Variants in CLPB observed in about 807,000 individuals in gnomAD.
CLPB encodes mitochondrial disaggregase.
Under a neutral mutation model 78.4 loss-of-function variants are expected in CLPB, and 40 were observed. The observed-to-expected ratio is 0.51, with a 90% CI of 0.40 to 0.66. The LOEUF is 0.66. CLPB is among the 30% of genes least tolerant of loss of function. The pLI is 0.00. For missense variants in CLPB, 780 were observed against 886.9 expected (o/e 0.88, Z 1.53); for synonymous variants, 333 against 348.0 (o/e 0.96, Z 0.48).
intron 2 of CLPB, among the ~76,000 whole-genome samples, chr11:72,412,328 C>T (rs991549637): frequency 1.3e-5 from 2 of 152,218 alleles, no homozygotes; most frequent in African/African-American, 4.8e-5. Flanking sequence ...GCCTGGAGAA[C>T]TCCAAGGGAG....
chr11:72,317,056 T>C, intron 7 of CLPB, 50 bp downstream of exon 7: 1 of 1,323,908 alleles, frequency 7.6e-7, no homozygotes, highest in East Asian at 2.4e-5. Flanking sequence ...CGACAGGATG[T>C]ACCCCTCAAA....
At chr11:72,393,377 A>T (rs1855311172) in intron 3 of CLPB, among the ~76,000 whole-genome samples, 1 of 152,230 alleles carries the variant, frequency 6.6e-6, no homozygotes, top group Admixed American at 6.5e-5. Flanking sequence ...AGAAAAAACA[A>T]TATTAATAAC....
At chr11:72,302,632 TCAC>T (rs1373395153) in intron 9 of CLPB, 3 of 392,516 alleles carry the variant, frequency 7.6e-6, no homozygotes, top group East Asian at 5.2e-5. Context: ...CCTGTTCTGA[TCAC>T]CACATCATCC....
chr11:72,346,534 G>A (rs991315010), intron 5 of CLPB, among the ~76,000 whole-genome samples: 3 of 151,396 alleles, frequency 2.0e-5, no homozygotes, highest in Non-Finnish European at 4.4e-5. Context: ...AGGTAGATAC[G>A]AGATGAGCCT....
chr11:72,345,099 A>C lies in CLPB; in HGVS notation c.775+13781T>G, dbSNP rs768191548. 2.7e-4 allele frequency among the ~76,000 whole-genome samples: 41 copies of C among 152,306 alleles called. 1 individual carries two copies. In the Middle Eastern group the frequency reaches 0.031, roughly 114 times the overall value. On this transcript the variant is annotated intron_variant, in intron 5 of 15. Coordinates refer to ENST00000538039, the MANE Select transcript of CLPB (RefSeq NM_001258392.3). ...GCTAATGGAAGTGTAACATGGTACA[A>C]CTCGTACGGAGGAGAAGCTTGGTAA...
chr11:72,340,041 G>C (rs1950391012), intron 5 of CLPB, among the ~76,000 whole-genome samples: 1 of 152,186 alleles, frequency 6.6e-6, no homozygotes, highest in Non-Finnish European at 1.5e-5. Context: ...TGTCTTACAA[G>C]TGGCTGTGGT....
intron 8 of CLPB, 123 bp downstream of exon 8, chr11:72,308,404 T>C: frequency 1.3e-6 from 1 of 766,816 alleles, no homozygotes; most frequent in South Asian, 1.5e-5. Flanking sequence ...CCGTTGCTTT[T>C]AGAGCTCAAG....
At chr11:72,342,614 A>G (rs866947485) in intron 5 of CLPB, among the ~76,000 whole-genome samples, 7 of 152,158 alleles carry the variant, frequency 4.6e-5, no homozygotes, top group Non-Finnish European at 8.8e-5. Flanking sequence ...AGCTAGGAGC[A>G]ACTGTCAGTG....
At chr11:72,427,070 G>C (rs1307380234) in intron 2 of CLPB, among the ~76,000 whole-genome samples, 1 of 152,254 alleles carries the variant, frequency 6.6e-6, no homozygotes, top group African/African-American at 2.4e-5. Context: ...TTTGAAAGGT[G>C]TAAGCAGAGG....
intron 2 of CLPB, among the ~76,000 whole-genome samples, chr11:72,416,138 A>G (rs1252333383): frequency 6.6e-6 from 1 of 152,188 alleles, no homozygotes; most frequent in East Asian, 1.9e-4. Flanking sequence ...CTTTCACACT[A>G]TTGCTTCAGA....
At chr11:72,374,075 C>T (rs985673661) in intron 4 of CLPB, among the ~76,000 whole-genome samples, 4 of 151,814 alleles carry the variant, frequency 2.6e-5, no homozygotes, top group African/African-American at 4.9e-5. Flanking sequence ...AATCCAATGA[C>T]CCATGGCGAG....
chr11:72,309,249 G>A (rs954825520), intron 7 of CLPB, among the ~76,000 whole-genome samples: 2 of 152,134 alleles, frequency 1.3e-5, no homozygotes, highest in African/African-American at 2.4e-5. Context: ...GGGGAGCACG[G>A]GGAGTGGGAC....
Position 72,317,028 on chromosome 11 carries a change from G to C in CLPB, c.988+78C>G, listed in dbSNP as rs181328714. The C allele has an allele frequency of 1.1e-4, 94 of 877,848 alleles. No individual in the cohort carries two copies. In the African/African-American group the frequency reaches 1.4e-3, roughly 13 times the overall value. 54.4% of individuals were successfully genotyped at this position (877,848 alleles called of 1,614,324 possible). A position where few individuals can be genotyped will look rare whatever the true frequency, so the allele number is the denominator to read the frequency against. ...GCTAATTTTTAATATTATTAACAGCGCCTATCCAGTTTGGTGACGACAGGA... is the reference window on the plus strand; with the variant it reads ...GCTAATTTTTAATATTATTAACAGCCCCTATCCAGTTTGGTGACGACAGGA... On this transcript the variant is annotated intron_variant, in intron 7 of 15. Transcript: ENST00000538039.
rs1178104694 is a variant in CLPB, at chr11:72,317,286, C to T, written c.874-66G>A. ...CATAGCACCATAGCTTCACTCTATC[C>T]CCCAACTCGGGGAAAACACAGGTCT... On this transcript the variant is annotated intron_variant, in intron 6 of 15. Coordinates refer to ENST00000538039, the MANE Select transcript of CLPB (RefSeq NM_001258392.3). 8 of 1,228,920 alleles carry T rather than the reference C, an allele frequency of 6.5e-6. No homozygotes were observed. The East Asian group carries it at 1.8e-4, about 27-fold the overall frequency. 76.1% of individuals were successfully genotyped at this position (1,228,920 alleles called of 1,614,324 possible). A position where few individuals can be genotyped will look rare whatever the true frequency, so the allele number is the denominator to read the frequency against.
intron 5 of CLPB, among the ~76,000 whole-genome samples, chr11:72,342,436 AGT>A (rs759956752): frequency 1.8e-4 from 27 of 152,314 alleles, no homozygotes; most frequent in Non-Finnish European, 2.8e-4. Flanking sequence ...CAGGCAAAGA[AGT>A]GAGGATCCTT....
intron 1 of CLPB, among the ~76,000 whole-genome samples, chr11:72,432,974 C>G (rs761685159): frequency 1.3e-5 from 2 of 152,160 alleles, no homozygotes; most frequent in Non-Finnish European, 2.9e-5. Context: ...AATGGCTGGA[C>G]TCACATAGGT....
Position 72,426,454 on chromosome 11 carries a change from TAGG to T in CLPB, c.455+3855_455+3857del, listed in dbSNP as rs556738293. Among the ~76,000 whole-genome samples the T allele has an allele frequency of 1.5e-4, 22 of 151,418 alleles. No individual in the cohort carries two copies. The South Asian group carries it at 3.5e-3, about 24-fold the overall frequency. On this transcript the variant is annotated intron_variant, in intron 2 of 15. Transcript: ENST00000538039. ...ACCACCTGCTCACACTGCTGACAGG[TAGG>T]AGGCCAGGCTTCCACTTCTGAGGAA...
chr11:72,317,283 A>G (rs537043142), intron 6 of CLPB, 63 bp from the exon 7 acceptor site: 1 of 1,247,678 alleles, frequency 8.0e-7, no homozygotes, highest in South Asian at 1.4e-5. Context: ...GCTTCACTCT[A>G]TCCCCCAACT....
At chr11:72,418,239 G>T (rs1856081036) in intron 2 of CLPB, among the ~76,000 whole-genome samples, 1 of 152,212 alleles carries the variant, frequency 6.6e-6, no homozygotes, top group South Asian at 2.1e-4. Flanking sequence ...CTGAGTGCCA[G>T]CCAGCCTTGT....
Sources: allele counts gnomAD v4.1 joint callset (sites outside exome capture counted in the v4.1 genomes callset), GRCh38; gene constraint gnomAD v4.1.1; transcripts MANE v1.5; gene names NCBI Gene and HGNC (gene_info 2026-07-23, HGNC 2026-07-21).